SNRPB: variants seen among roughly 807,000 people sequenced by gnomAD.
SNRPB encodes the protein small nuclear ribonucleoprotein polypeptides B and B1, also known as small nuclear ribonucleoprotein-associated proteins B and B'.
SNRPB carries 5 observed loss-of-function variants against 26.6 expected under a neutral mutation model. The ratio of observed to expected loss-of-function variants is 0.19; its 90% CI spans 0.10 to 0.39. The LOEUF is 0.39. Among genes scored for constraint, SNRPB ranks in the 10% least tolerant of loss-of-function variants. The pLI is 1.00. For synonymous variants in SNRPB, 122 were observed against 105.8 expected, an observed-to-expected ratio of 1.15 and a Z score of -0.94; for missense variants, 211 against 311.9, an observed-to-expected ratio of 0.68 and a Z score of 2.44.
At position 2,461,886 on chromosome 20, in the gene SNRPB, C is replaced by A; in HGVS notation, c.*43G>T. The A allele has an allele frequency of 3.1e-6, 5 of 1,613,844 alleles. No homozygotes were observed. The highest frequency in any genetic ancestry group is 4.2e-6 in the Non-Finnish European group (5 of 1,179,834). Reference sequence around the variant, plus strand: ...GGTAACGTGGCCCTGAGGAATCGAGCCCACGCCTCTGCGGAGCTACTTCCA... The same window carrying A: ...GGTAACGTGGCCCTGAGGAATCGAGACCACGCCTCTGCGGAGCTACTTCCA... On this transcript the variant is annotated 3_prime_UTR_variant, in exon 7 of 7. Coordinates refer to ENST00000381342, the MANE Select transcript of SNRPB (RefSeq NM_003091.4).
At chr20:2,464,534 T>C (rs905022073) in intron 3 of SNRPB, among the ~76,000 whole-genome samples, 6 of 152,236 alleles carry the variant, frequency 3.9e-5, no homozygotes, top group Non-Finnish European at 7.3e-5. Flanking sequence ...CTGTACTCAT[T>C]TGAGAAAATC....
chr20:2,461,818 A>G lies in SNRPB; in HGVS notation c.*111T>C, dbSNP rs1044193707. 4.3e-6 allele frequency: 7 copies of G among 1,613,784 alleles called. No homozygotes were observed. In the South Asian group the frequency reaches 6.6e-5, roughly 15 times the overall value. ...CCTGTAAGGGAAACCAGACAATCCC[A>G]TGAGACTCCACGAACAACAGCATAA... On this transcript the variant is annotated 3_prime_UTR_variant, in exon 7 of 7. Coordinates refer to ENST00000381342, the MANE Select transcript of SNRPB (RefSeq NM_003091.4).
chr20:2,462,073 ACT>A (rs1225938308), intron 6 of SNRPB, 134 bp from the exon 7 acceptor site: 5 of 638,318 alleles, frequency 7.8e-6, no homozygotes, highest in African/African-American at 1.8e-5. Context: ...ACTAGGGACT[ACT>A]CTGAGGCTGA....
intron 1 of SNRPB, among the ~76,000 whole-genome samples, chr20:2,470,056 AATTAT>A (rs1176671064): frequency 3.9e-5 from 6 of 152,186 alleles, no homozygotes; most frequent in Non-Finnish European, 7.3e-5. Flanking sequence ...GACCACACTG[AATTAT>A]ATTATGTGTC....
At chr20:2,467,540 T>C (rs2085082275) in intron 2 of SNRPB, 67 bp downstream of exon 2, 10 of 1,483,088 alleles carry the variant, frequency 6.7e-6, no homozygotes, top group South Asian at 3.6e-5. Context: ...ACCACCTCTA[T>C]TGCTTGGCCC....
chr20:2,464,751 T>A (rs1031200285), intron 3 of SNRPB, among the ~76,000 whole-genome samples: 1 of 152,020 alleles, frequency 6.6e-6, no homozygotes, highest in African/African-American at 2.4e-5. Flanking sequence ...ACATCTGTAA[T>A]CCCCGCTACT....
At chr20:2,469,071 G>C (rs941062985) in intron 1 of SNRPB, among the ~76,000 whole-genome samples, 1 of 152,210 alleles carries the variant, frequency 6.6e-6, no homozygotes, top group Non-Finnish European at 1.5e-5. Context: ...CACTGGTCCA[G>C]CTCAACTAAT....
At chr20:2,462,533 G>A in intron 6 of SNRPB, 103 bp downstream of exon 6, 1 of 1,039,864 alleles carries the variant, frequency 9.6e-7, no homozygotes, top group Middle Eastern at 2.0e-4. Context: ...TAGATTTAAG[G>A]CTTGAAAGCC....
In SNRPB at chr20:2,463,532, G is replaced by A. The variant is rs1209385957; in HGVS notation, c.420+215C>T. 6.6e-6 allele frequency among the ~76,000 whole-genome samples: 1 copy of A among 152,184 alleles called. No homozygotes were observed. The highest frequency in any genetic ancestry group is 1.5e-5 in the Non-Finnish European group (1 of 68,036). Reference sequence around the variant, plus strand: ...GGAAATATTTTCCTTAAATACAGTTGGCTAATTCGTACATCTCTTTAATAG... The same window carrying A: ...GGAAATATTTTCCTTAAATACAGTTAGCTAATTCGTACATCTCTTTAATAG... On this transcript the variant is annotated intron_variant, in intron 4 of 6. Transcript: ENST00000381342. The surrounding 1 kb of genome is among the most constrained non-coding windows in gnomAD (Gnocchi z 5.0).
Position 2,463,270 on chromosome 20 carries a change from A to G in SNRPB, c.421-43T>C. 2.0e-6 allele frequency: 3 copies of G among 1,529,692 alleles called. 1 individual carries two copies. In the Middle Eastern group the frequency reaches 5.1e-4, roughly 262 times the overall value. The allele number at this position is 1,529,692 out of a possible 1,614,324, so 94.8% of individuals were successfully genotyped here. ...GAAAGAGTTAGAAGAGTACAGTACA[A>G]TGCAGCTTCCCACTCTCCTCCCCAA... On this transcript the variant is annotated intron_variant, in intron 4 of 6. Coordinates refer to ENST00000381342, the MANE Select transcript of SNRPB (RefSeq NM_003091.4). This position sits in a 1 kb window ranked among gnomAD's most constrained non-coding sequence, Gnocchi z 5.0.
rs2085038991 is a variant in SNRPB, at chr20:2,462,139, CAG to C, written c.686-202_686-201del. Among the ~76,000 whole-genome samples, 4 of 152,174 alleles carry C rather than the reference CAG, an allele frequency of 2.6e-5. 1 individual carries two copies. In the South Asian group the frequency reaches 8.3e-4, roughly 31 times the overall value. On this transcript the variant is annotated intron_variant, in intron 6 of 6. Coordinates refer to ENST00000381342, the MANE Select transcript of SNRPB (RefSeq NM_003091.4). ...AGAGGAATAATCCAGACTAGAGAAACAGGGGTCACCAAGTTTGCCCATGGGTT... is the reference window on the plus strand; with the variant it reads ...AGAGGAATAATCCAGACTAGAGAAACGGGTCACCAAGTTTGCCCATGGGTT...
intron 3 of SNRPB, among the ~76,000 whole-genome samples, chr20:2,465,466 C>G (rs1426489525): frequency 1.4e-5 from 2 of 144,178 alleles, no homozygotes; most frequent in Non-Finnish European, 3.0e-5. Context: ...CCAGGCAGGT[C>G]TCGAACTCCT....
At chr20:2,469,633 C>T (rs2085099404) in intron 1 of SNRPB, among the ~76,000 whole-genome samples, 1 of 152,156 alleles carries the variant, frequency 6.6e-6, no homozygotes, top group African/African-American at 2.4e-5. Context: ...GTGGAGTTTG[C>T]AGTGAACCCT....
intron 3 of SNRPB, among the ~76,000 whole-genome samples, chr20:2,465,310 T>C (rs936027995): frequency 2.0e-5 from 3 of 152,092 alleles, no homozygotes; most frequent in Non-Finnish European, 4.4e-5. Flanking sequence ...GTACATCAAC[T>C]GAGAAACAGG....
Position 2,463,648 on chromosome 20 carries a change from C to A in SNRPB, c.420+99G>T. 1.2e-6 allele frequency: 1 copy of A among 832,076 alleles called. No homozygotes were observed. The highest frequency in any genetic ancestry group is 1.9e-6 in the Non-Finnish European group (1 of 520,554). 51.5% of individuals were successfully genotyped at this position (832,076 alleles called of 1,614,324 possible). ...AGTGAAACACTGATAGTCTGACAAT[C>A]ACAGGTTGGTCACTCTGGACCCTTT... On this transcript the variant is annotated intron_variant, in intron 4 of 6. Coordinates refer to ENST00000381342, the MANE Select transcript of SNRPB (RefSeq NM_003091.4). This position sits in a 1 kb window ranked among gnomAD's most constrained non-coding sequence, Gnocchi z 5.0.
chr20:2,468,365 A>G (rs766382504), intron 1 of SNRPB, among the ~76,000 whole-genome samples: 67 of 152,232 alleles, frequency 4.4e-4, no homozygotes, highest in Admixed American at 1.3e-4. Context: ...TTAACCCAAC[A>G]AACATTTCTG....
intron 3 of SNRPB, among the ~76,000 whole-genome samples, chr20:2,464,482 C>T (rs886559827): frequency 1.3e-5 from 2 of 152,064 alleles, no homozygotes; most frequent in Non-Finnish European, 2.9e-5. Flanking sequence ...AAGGCAAAAA[C>T]GTAAAAATCT....
intron 2 of SNRPB, chr20:2,467,381 A>T (rs2085080713): frequency 3.2e-6 from 2 of 634,430 alleles, no homozygotes; most frequent in Admixed American, 2.4e-5. Flanking sequence ...GAGAAACAAA[A>T]AGCCTAGCAG....
In SNRPB at chr20:2,465,702, A is replaced by G. The variant is rs1203815028; in HGVS notation, c.267+6T>C. 7 of 1,594,184 alleles carry G rather than the reference A, an allele frequency of 4.4e-6. No homozygotes were observed. Among genetic ancestry groups the G allele is most frequent in the Non-Finnish European group, 6.0e-6 (7 of 1,162,042 alleles). On this transcript the variant is annotated splice_donor_region_variant and intron_variant, in intron 3 of 6. Coordinates refer to ENST00000381342, the MANE Select transcript of SNRPB (RefSeq NM_003091.4). ...CTCCTCCACAAGGCTTCCTGCTCTG[A>G]CTTACATCTTTGGGAGGAGGTCCCT... is the stretch of plus-strand genomic sequence containing the variant.
Sources: allele counts gnomAD v4.1 joint callset (sites outside exome capture counted in the v4.1 genomes callset), GRCh38; gene constraint gnomAD v4.1.1; non-coding constraint Gnocchi (gnomAD v3.1); transcripts MANE v1.5; gene names NCBI Gene and HGNC (gene_info 2026-07-23, HGNC 2026-07-21).